Variants in ASAP1 observed in about 807,000 individuals in gnomAD.
ASAP1 encodes arf-GAP with SH3 domain, ANK repeat and PH domain-containing protein 1.
ASAP1 carries 43 observed loss-of-function variants against 145.2 expected under a neutral mutation model. The ratio of observed to expected loss-of-function variants is 0.30; its 90% CI spans 0.23 to 0.38. ASAP1 has a LOEUF of 0.38. ASAP1 is among the 10% of genes least tolerant of loss of function. The pLI is 1.00. For synonymous variants in ASAP1, 546 were observed against 515.5 expected, an observed-to-expected ratio of 1.06 and a Z score of -0.80; for missense variants, 1,018 against 1,355.3, an observed-to-expected ratio of 0.75 and a Z score of 3.91.
chr8:130,187,093 A>G, intron 7 of ASAP1, 143 bp downstream of exon 7: 1 of 667,676 alleles, frequency 1.5e-6, no homozygotes, highest in Non-Finnish European at 2.5e-6. Context: ...AGGATATGCT[A>G]GAGGATATAC....
chr8:130,225,053 A>C (rs896688850), intron 4 of ASAP1, among the ~76,000 whole-genome samples: 1 of 152,218 alleles, frequency 6.6e-6, no homozygotes, highest in African/African-American at 2.4e-5. Flanking sequence ...TGCCTATAGT[A>C]AGCCTATCTT....
In ASAP1 at chr8:130,283,583, G is replaced by GAAAAAAAAA. The variant is rs745389921; in HGVS notation, c.187-46590_187-46589insTTTTTTTTT. Among the ~76,000 whole-genome samples, 35 of 98,752 alleles carry GAAAAAAAAA rather than the reference G, an allele frequency of 3.5e-4. 3 individuals carry two copies. Among genetic ancestry groups the GAAAAAAAAA allele is most frequent in the African/African-American group, 1.2e-3 (29 of 23,882 alleles). 64.8% of individuals were successfully genotyped at this position (98,752 alleles called of 152,430 possible). Reference sequence around the variant, plus strand: ...GGTGACAGAACAAGACTCCATCACAGAAAGAAAAAAAAAAAAAAAAAAAAA... The same window carrying GAAAAAAAAA: ...GGTGACAGAACAAGACTCCATCACAGAAAAAAAAAAAAGAAAAAAAAAAAAAAAAAAAAA... On this transcript the variant is annotated intron_variant, in intron 3 of 29. Transcript: ENST00000518721.
At chr8:130,349,352 T>A (rs1825866665) in intron 3 of ASAP1, among the ~76,000 whole-genome samples, 1 of 152,162 alleles carries the variant, frequency 6.6e-6, no homozygotes, top group Non-Finnish European at 1.5e-5. Context: ...GTCTACCAAG[T>A]CTCATCTTCT....
intron 5 of ASAP1, among the ~76,000 whole-genome samples, chr8:130,212,626 G>A (rs918809741): frequency 1.3e-5 from 2 of 152,186 alleles, no homozygotes; most frequent in African/African-American, 4.8e-5. Flanking sequence ...TTGTTGTAAT[G>A]TCTTCAATGA....
Position 130,357,872 on chromosome 8 carries a change from A to T in ASAP1, c.186+145T>A, listed in dbSNP as rs1826430088. The T allele has an allele frequency of 6.1e-6, 7 of 1,139,102 alleles. No individual in the cohort carries two copies. The East Asian group carries it at 1.9e-4, about 31-fold the overall frequency. The allele number at this position is 1,139,102 out of a possible 1,614,324, so 70.6% of individuals were successfully genotyped here. A position where few individuals can be genotyped will look rare whatever the true frequency, so the allele number is the denominator to read the frequency against. ...AGATGGGGAAGGCGCCGCCCGTCCG[A>T]AGTCCCTTATTCACCCGGCGGCTCC... On this transcript the variant is annotated intron_variant, in intron 3 of 29. Transcript: ENST00000518721.
At chr8:130,204,194 T>C (rs1285501317) in intron 5 of ASAP1, among the ~76,000 whole-genome samples, 2 of 152,132 alleles carry the variant, frequency 1.3e-5, no homozygotes, top group Non-Finnish European at 2.9e-5. Flanking sequence ...TACTGTGAAC[T>C]GCATATGCAA....
chr8:130,204,601 G>T (rs955249755), intron 5 of ASAP1, among the ~76,000 whole-genome samples: 1 of 152,066 alleles, frequency 6.6e-6, no homozygotes, highest in African/African-American at 2.4e-5. Context: ...AGGTAGGTGG[G>T]GCCAAGATCA....
At chr8:130,413,785 A>G (rs1475781056) in intron 1 of ASAP1, among the ~76,000 whole-genome samples, 1 of 152,254 alleles carries the variant, frequency 6.6e-6, no homozygotes, top group Non-Finnish European at 1.5e-5. Context: ...AAAAAAGGAG[A>G]TCAGTTCCTC....
intron 3 of ASAP1, among the ~76,000 whole-genome samples, chr8:130,333,930 T>C (rs1824864137): frequency 6.6e-6 from 1 of 152,114 alleles, no homozygotes; most frequent in Non-Finnish European, 1.5e-5. Flanking sequence ...TGGGCCACAG[T>C]GTGCACAGAG....
chr8:130,071,996 G>A (rs1407654100), intron 27 of ASAP1, among the ~76,000 whole-genome samples: 1 of 152,154 alleles, frequency 6.6e-6, no homozygotes, highest in African/African-American at 2.4e-5. Flanking sequence ...TCTGAGGCAG[G>A]CCCCTGACCT....
chr8:130,360,270 G>A (rs1351642534), intron 2 of ASAP1, among the ~76,000 whole-genome samples: 1 of 152,208 alleles, frequency 6.6e-6, no homozygotes, highest in East Asian at 1.9e-4. Context: ...GACATCTTGA[G>A]AAAAGAATGA....
intron 2 of ASAP1, among the ~76,000 whole-genome samples, chr8:130,377,134 A>G (rs1827540584): frequency 6.6e-6 from 1 of 152,028 alleles, no homozygotes; most frequent in South Asian, 2.1e-4. Context: ...GGAAAACCAA[A>G]TATCATATGT....
At chr8:130,154,469 T>C (rs2097653856) in intron 12 of ASAP1, among the ~76,000 whole-genome samples, 1 of 152,270 alleles carries the variant, frequency 6.6e-6, no homozygotes, top group African/African-American at 2.4e-5. Context: ...ACTAACTACT[T>C]CCATCAGATA....
intron 3 of ASAP1, among the ~76,000 whole-genome samples, chr8:130,333,777 A>G (rs538592914): frequency 1.3e-5 from 2 of 152,322 alleles, no homozygotes; most frequent in African/African-American, 4.8e-5. Flanking sequence ...TATTAGATGC[A>G]TTTATTCATT....
intron 3 of ASAP1, among the ~76,000 whole-genome samples, chr8:130,331,758 TA>T (rs912140421): frequency 3.3e-5 from 5 of 151,450 alleles, no homozygotes. Flanking sequence ...GCAAAGCATT[TA>T]AAAAATACAC....
rs571551947 is a variant in ASAP1 at position 130,203,387 on chromosome 8, G to A, written c.405+11169C>T. 2.6e-5 allele frequency among the ~76,000 whole-genome samples: 4 copies of A among 152,318 alleles called. No individual in the cohort carries two copies. In the South Asian group the frequency reaches 8.3e-4, roughly 32 times the overall value. On this transcript the variant is annotated intron_variant, in intron 5 of 29. Transcript: ENST00000518721. ...CAAGGGAAGCCTGAAGTCCAGCCAT[G>A]CTCCCCTCACTAACCCGTGTTTCCC...
intron 13 of ASAP1, among the ~76,000 whole-genome samples, chr8:130,142,012 C>G (rs1286317527): frequency 5.3e-5 from 8 of 152,154 alleles, no homozygotes; most frequent in African/African-American, 1.7e-4. Context: ...ACCACCGTGC[C>G]CAGCCCTCAA....
intron 3 of ASAP1, among the ~76,000 whole-genome samples, chr8:130,318,749 T>C (rs1368234756): frequency 6.6e-6 from 1 of 152,172 alleles, no homozygotes. Context: ...TCCATGTTCA[T>C]CTAACTTCAA....
chr8:130,367,767 C>G (rs1458729290), intron 2 of ASAP1, among the ~76,000 whole-genome samples: 1 of 152,176 alleles, frequency 6.6e-6, no homozygotes, highest in Non-Finnish European at 1.5e-5. Context: ...GGAGGTCTTC[C>G]GTCTGGGTTG....
Sources: gnomAD v4.1 joint callset for allele counts (sites outside exome capture counted in the v4.1 genomes callset) on GRCh38, gnomAD v4.1.1 for gene constraint, MANE v1.5 for transcripts, NCBI Gene and HGNC (gene_info 2026-07-23, HGNC 2026-07-21) for gene names.